Variants in FAM3B observed in about 807,000 individuals in gnomAD.
FAM3B encodes FAM3 metabolism regulating signaling molecule B, also known as protein FAM3B.
In FAM3B, 29 loss-of-function variants were observed where a neutral mutation model predicts 28.4. The observed-to-expected ratio is 1.02, with a 90% confidence interval of 0.76 to 1.39. The LOEUF (loss-of-function observed/expected upper bound fraction) is 1.39. Ranked by LOEUF, FAM3B falls within the 40% of genes most tolerant of loss-of-function variation. The pLI is 0.00. For missense variants in FAM3B, 266 were observed against 293.9 expected (o/e 0.91, Z 0.69); for synonymous variants, 91 against 103.0 (o/e 0.88, Z 0.71).
chr21:41,349,934 C>A (rs932910830), intron 7 of FAM3B, among the ~76,000 whole-genome samples: 2 of 152,106 alleles, frequency 1.3e-5, no homozygotes, highest in African/African-American at 2.4e-5. Flanking sequence ...GGCCTCGACC[C>A]CTCCTTGCTT....
chr21:41,321,964 T>G (rs1006044260), intron 1 of FAM3B, among the ~76,000 whole-genome samples: 2 of 152,018 alleles, frequency 1.3e-5, no homozygotes, highest in African/African-American at 4.8e-5. Context: ...CCTGTCTCTC[T>G]CCCTCCTTCC....
At chr21:41,339,566 C>CTTATT in intron 3 of FAM3B, among the ~76,000 whole-genome samples, 1 of 152,172 alleles carries the variant, frequency 6.6e-6, no homozygotes, top group African/African-American at 2.4e-5. Flanking sequence ...GTGCAGGAGT[C>CTTATT]TTACCCCCTT....
intron 1 of FAM3B, among the ~76,000 whole-genome samples, chr21:41,321,416 G>A (rs567720594): frequency 4.6e-5 from 7 of 152,212 alleles, no homozygotes; most frequent in African/African-American, 7.2e-5. Flanking sequence ...GAGCACAACC[G>A]TTGGCGCAGC....
At chr21:41,327,999 C>T (rs888598851) in intron 2 of FAM3B, among the ~76,000 whole-genome samples, 3 of 152,178 alleles carry the variant, frequency 2.0e-5, no homozygotes, top group Non-Finnish European at 4.4e-5. Context: ...TAGTTTACTC[C>T]GTGCAGCATC....
At chr21:41,308,652 G>T (rs1176032841) in intron 1 of FAM3B, among the ~76,000 whole-genome samples, 1 of 148,498 alleles carries the variant, frequency 6.7e-6, no homozygotes, top group Non-Finnish European at 1.5e-5. Context: ...CGATCCTCCT[G>T]CCCCAGCCTC....
intron 1 of FAM3B, among the ~76,000 whole-genome samples, chr21:41,310,369 C>T (rs2088702707): frequency 2.6e-5 from 4 of 152,152 alleles, no homozygotes; most frequent in Admixed American, 6.6e-5. Context: ...TCTTGGTGCT[C>T]CCATCTGCAG....
Position 41,304,806 on chromosome 21 carries a change from G to C in FAM3B, n.99+496G>C, listed in dbSNP as rs187245586. ...CCATGGAGGCTTTCATCTGGTGCCAGTAGGAACGTTCCCTGGGGGCAGCTG... is the reference window on the plus strand; with the variant it reads ...CCATGGAGGCTTTCATCTGGTGCCACTAGGAACGTTCCCTGGGGGCAGCTG... On this transcript the variant is annotated intron_variant and non_coding_transcript_variant, in intron 1 of 9. Transcript: ENST00000479810. 2.7e-3 allele frequency among the ~76,000 whole-genome samples: 418 copies of C among 152,324 alleles called. 3 individuals are homozygous for C. Among genetic ancestry groups the C allele is most frequent in the African/African-American group, 9.8e-3 (407 of 41,562 alleles).
chr21:41,318,780 C>A (rs2088774285), intron 1 of FAM3B, among the ~76,000 whole-genome samples: 1 of 152,226 alleles, frequency 6.6e-6, no homozygotes, highest in South Asian at 2.1e-4. Context: ...CCTGAGATTG[C>A]CCTTTTTAGG....
rs200388472 is a variant in FAM3B at position 41,348,645 on chromosome 21, G to A, written c.539G>A (p.Arg180Lys). The A allele has an allele frequency of 3.3e-5, 53 of 1,614,096 alleles. No individual in the cohort carries two copies. The highest frequency in any genetic ancestry group is 4.1e-5 in the Non-Finnish European group (48 of 1,180,040). Residue 180 changes from arginine (R) to lysine (K), a missense_variant, in exon 7 of 8, where the codon AGG (arginine) becomes AAG (lysine). Transcript: ENST00000357985. ...AIEALGSKEI[R>K]NMKFRSSWVF... ...GAAGCACTTGGAAGTAAAGAAATCA[G>A]GAACATGAAATTCAGGTCTAGCTGG...
At chr21:41,316,796 C>T (rs2088752861), upstream of FAM3B, 1 of 1,363,726 alleles carries the variant, frequency 7.3e-7, no homozygotes, top group Non-Finnish European at 9.5e-7. Context: ...CTGCCCGCCC[C>T]TTGCCTTCCT....
At chr21:41,347,175 T>A in intron 6 of FAM3B, 75 bp downstream of exon 6, 1 of 1,207,612 alleles carries the variant, frequency 8.3e-7, no homozygotes, top group Non-Finnish European at 1.2e-6. Context: ...GGTCTCTCAG[T>A]GACATCCTCT....
chr21:41,334,968 T>A (rs948200885), intron 2 of FAM3B, among the ~76,000 whole-genome samples: 1 of 152,214 alleles, frequency 6.6e-6, no homozygotes, highest in African/African-American at 2.4e-5. Flanking sequence ...GGAGATTGTT[T>A]TGGAGCTTTT....
chr21:41,314,757 A>G (rs1282284972), upstream of FAM3B, among the ~76,000 whole-genome samples: 2 of 111,992 alleles, frequency 1.8e-5, no homozygotes, highest in Non-Finnish European at 3.5e-5. Context: ...TAGGAAGGCT[A>G]CTATTAAAAA....
chr21:41,342,222 T>C (rs574390858), intron 3 of FAM3B, among the ~76,000 whole-genome samples: 1 of 152,364 alleles, frequency 6.6e-6, no homozygotes, highest in Admixed American at 6.5e-5. Flanking sequence ...GACAGTCTTA[T>C]TGTCGCTGCT....
At chr21:41,307,067 C>T (rs1330600150) in intron 1 of FAM3B, among the ~76,000 whole-genome samples, 2 of 152,220 alleles carry the variant, frequency 1.3e-5, no homozygotes, top group Non-Finnish European at 2.9e-5. Flanking sequence ...TCCCAGATGG[C>T]ACCTTCCAAT....
intron 2 of FAM3B, among the ~76,000 whole-genome samples, chr21:41,324,312 A>T (rs2088836576): frequency 6.6e-6 from 1 of 152,246 alleles, no homozygotes; most frequent in Admixed American, 6.5e-5. Context: ...CTCTTGAAAC[A>T]GTAGAAGCTC....
At chr21:41,350,661 T>C (rs2089110297) in intron 7 of FAM3B, among the ~76,000 whole-genome samples, 1 of 152,164 alleles carries the variant, frequency 6.6e-6, no homozygotes, top group South Asian at 2.1e-4. Flanking sequence ...TGAACCAGCT[T>C]CTCAGAGGGT....
chr21:41,318,985 T>G (rs1222510451), intron 1 of FAM3B, among the ~76,000 whole-genome samples: 2 of 152,210 alleles, frequency 1.3e-5, no homozygotes, highest in Non-Finnish European at 2.9e-5. Context: ...CTTGAACTTC[T>G]AGGTTCACGA....
chr21:41,332,133 T>G (rs571217907), intron 2 of FAM3B, among the ~76,000 whole-genome samples: 8 of 152,334 alleles, frequency 5.3e-5, no homozygotes, highest in Admixed American at 2.6e-4. Context: ...TTTAAAAGTG[T>G]GTGGCATCTC....
Sources: gnomAD v4.1 joint callset for allele counts (sites outside exome capture counted in the v4.1 genomes callset) on GRCh38, gnomAD v4.1.1 for gene constraint, MANE v1.5 for transcripts, NCBI Gene and HGNC (gene_info 2026-07-23, HGNC 2026-07-21) for gene names.